FDPS: variants seen among roughly 807,000 people sequenced by gnomAD.
The protein encoded by FDPS is farnesyl pyrophosphate synthase.
FDPS carries 29 observed loss-of-function variants against 49.5 expected under a neutral mutation model. The ratio of observed to expected loss-of-function variants is 0.59; its 90% CI spans 0.44 to 0.80. The LOEUF (loss-of-function observed/expected upper bound fraction) is 0.80, where lower values mean the gene tolerates loss of function less well. FDPS is among the 30% of genes least tolerant of loss of function. FDPS has a pLI of 0.00. For missense variants in FDPS, 414 were observed against 525.6 expected, an observed-to-expected ratio of 0.79 and a Z score of 2.08; for synonymous variants, 172 against 206.4, an observed-to-expected ratio of 0.83 and a Z score of 1.43.
At chr1:155,317,144 C>G (rs937375346) in intron 4 of FDPS, 1 of 152,210 alleles carries the variant, frequency 6.6e-6, no homozygotes, top group Non-Finnish European at 1.5e-5. Flanking sequence ...ACCTGCACTG[C>G]TAAGGAGCTG....
In FDPS at chr1:155,317,989, A is replaced by G; in HGVS notation, c.529A>G (p.Thr177Ala). ...AGATGACATCATGGATTCATCCCTT[A>G]CCCGCCGGGGACAGATCTGCTGGTA... ...VADDIMDSSL[T>A]RRGQICWYQK... The change falls in exon 5 of 11, where the codon ACC becomes GCC. Residue 177 changes from threonine to alanine, a missense_variant. Coordinates refer to ENST00000368356, the MANE Select transcript of FDPS (RefSeq NM_002004.4). 6.2e-7 allele frequency: 1 copy of G among 1,613,546 alleles called. No individual in the cohort carries two copies. Among genetic ancestry groups the G allele is most frequent in the Non-Finnish European group, 8.5e-7 (1 of 1,180,016 alleles).
Position 155,320,599 on chromosome 1 carries a change from G to A in FDPS, c.1250G>A (p.Arg417Gln), listed in dbSNP as rs1440946915. Residue 417 changes from arginine (R) to glutamine (Q), a missense_variant, in exon 11 of 11, where the codon CGG becomes CAG. Coordinates refer to ENST00000368356, the MANE Select transcript of FDPS (RefSeq NM_002004.4). ...GGGCTTGCGCGCAAAATCTACAAGC[G>A]GAGAAAGTGACCTAGAGATTGCAAG... Reference protein sequence around the residue: ...FLGLARKIYKRRK With the variant: ...FLGLARKIYKQRK 2 of 1,614,166 alleles carry A rather than the reference G, an allele frequency of 1.2e-6. No individual in the cohort carries two copies. Among genetic ancestry groups the A allele is most frequent in the Non-Finnish European group, 8.5e-7 (1 of 1,180,018 alleles).
intron 2 of FDPS, 25 bp downstream of exon 2, chr1:155,309,990 C>T: frequency 6.2e-7 from 1 of 1,611,236 alleles, no homozygotes; most frequent in East Asian, 2.2e-5. Context: ...GGTGAGGGGC[C>T]TTGGGGAGGG....
intron 4 of FDPS, among the ~76,000 whole-genome samples, chr1:155,316,433 C>T (rs1003686300): frequency 2.0e-5 from 3 of 152,106 alleles, no homozygotes; most frequent in Admixed American, 6.5e-5. Flanking sequence ...ACTTGGGCAA[C>T]ATGACAAGAC....
rs775292576 is a variant in FDPS at position 155,318,317 on chromosome 1, C to T, written c.684+26C>T. ...GTGTATTGCAGACAGGGCCCGATGC[C>T]CAGAGGGTGCCCATGGTAGCCTTGG... On this transcript the variant is annotated intron_variant, in intron 6 of 10. Coordinates refer to ENST00000368356, the MANE Select transcript of FDPS (RefSeq NM_002004.4). This position sits in a 1 kb window ranked among gnomAD's most constrained non-coding sequence, Gnocchi z 4.2. 8.1e-6 allele frequency: 13 copies of T among 1,606,034 alleles called. No homozygotes were observed. The highest frequency in any genetic ancestry group is 1.0e-5 in the Non-Finnish European group (12 of 1,179,900).
At chr1:155,310,235 G>C (rs2148231181) in intron 3 of FDPS, 30 bp downstream of exon 3, 1 of 1,611,714 alleles carries the variant, frequency 6.2e-7, no homozygotes, top group Non-Finnish European at 8.5e-7. Flanking sequence ...GGGGAGTAAG[G>C]CTTTGGTTCA....
At chr1:155,313,845 GTCTC>G (rs927983949) in intron 4 of FDPS, among the ~76,000 whole-genome samples, 26 of 151,960 alleles carry the variant, frequency 1.7e-4, no homozygotes, top group African/African-American at 6.0e-4. Flanking sequence ...TTGAGATGGA[GTCTC>G]TCTCTGTTGC....
chr1:155,312,157 A>T (rs1648865346), intron 3 of FDPS, 98 bp from the exon 4 acceptor site: 1 of 1,406,096 alleles, frequency 7.1e-7, no homozygotes, highest in African/African-American at 1.4e-5. Context: ...GGGAGGATAA[A>T]GTTAGGTGGT....
Position 155,318,900 on chromosome 1 carries a change from A to G in FDPS, c.818A>G (p.Tyr273Cys). ...TACAAGACAGCTTTCTACTCCTTCT[A>G]CCTTCCTATAGCTGCAGCCATGTAC... ...VKYKTAFYSF[Y>C]LPIAAAMYMA... is the part of the protein sequence containing the mutation. The change falls in exon 8 of 11, where the codon TAC (tyrosine) becomes TGC (cysteine). Residue 273 changes from tyrosine (Y) to cysteine (C), a missense_variant. Physicochemically the swap from Tyr to Cys is radical, Grantham distance 194 (BLOSUM62 -2). Coordinates refer to ENST00000368356, the MANE Select transcript of FDPS (RefSeq NM_002004.4). This position sits in a 1 kb window ranked among gnomAD's most constrained non-coding sequence, Gnocchi z 4.2. 4 of 1,613,450 alleles carry G rather than the reference A, an allele frequency of 2.5e-6. No individual in the cohort carries two copies. Among genetic ancestry groups the G allele is most frequent in the East Asian group, 2.2e-5 (1 of 44,884 alleles).
At chr1:155,317,463 T>C (rs1649584716) in intron 4 of FDPS, 1 of 155,090 alleles carries the variant, frequency 6.4e-6, no homozygotes, top group Admixed American at 6.3e-5. Context: ...AAACATGTTA[T>C]GTCACTTTCC....
At chr1:155,311,255 C>A (rs950568777) in intron 3 of FDPS, among the ~76,000 whole-genome samples, 1 of 152,202 alleles carries the variant, frequency 6.6e-6, no homozygotes, top group African/African-American at 2.4e-5. Flanking sequence ...AGGAGAATCA[C>A]TTGAACCTGG....
At chr1:155,310,928 T>A (rs1648735857) in intron 3 of FDPS, among the ~76,000 whole-genome samples, 1 of 152,148 alleles carries the variant, frequency 6.6e-6, no homozygotes, top group Non-Finnish European at 1.5e-5. Context: ...TACTTGCCAA[T>A]TTTTTTCCTG....
chr1:155,312,703 G>A (rs1272055614), intron 4 of FDPS: 8 of 240,692 alleles, frequency 3.3e-5, no homozygotes, highest in South Asian at 3.1e-4. Context: ...AGAGGAGGCC[G>A]GGCATGGTGG....
chr1:155,318,167 A>G lies in FDPS; in HGVS notation c.562-2A>G. Reference sequence around the variant, plus strand: ...TGCTTGTTTTTCTGTCTGTCATGACAGCCGGGCGTGGGTTTGGATGCCATC... The same window carrying G: ...TGCTTGTTTTTCTGTCTGTCATGACGGCCGGGCGTGGGTTTGGATGCCATC... On this transcript the variant is annotated splice_acceptor_variant, in intron 5 of 10. Coordinates refer to ENST00000368356, the MANE Select transcript of FDPS (RefSeq NM_002004.4). LOFTEE classifies it high-confidence loss of function. The surrounding 1 kb of genome is among the most constrained non-coding windows in gnomAD (Gnocchi z 4.2). 6.2e-7 allele frequency: 1 copy of G among 1,614,132 alleles called. No individual in the cohort carries two copies. Among genetic ancestry groups the G allele is most frequent in the Non-Finnish European group, 8.5e-7 (1 of 1,180,026 alleles).
rs1180260126 is a variant in FDPS, at chr1:155,309,948, G to A, written c.159G>A (p.Ala53=). The A allele has an allele frequency of 6.2e-6, 10 of 1,606,946 alleles. No homozygotes were observed. The highest frequency in any genetic ancestry group is 4.4e-5 in the South Asian group (4 of 90,770). The change falls in exon 2 of 11, where the codon GCG becomes GCA. Residue 53 remains alanine (A), a synonymous_variant. Transcript: ENST00000368356. Reference sequence around the variant, plus strand: ...ACAGTGCCCGCTGCTGGTGCCAAGCGTGGACAGAGGAACCTCGGTGAGTGT... The same window carrying A: ...ACAGTGCCCGCTGCTGGTGCCAAGCATGGACAGAGGAACCTCGGTGAGTGT... The part of the protein sequence containing the change: ...AWHSARCWCQ[A]WTEEPRALCS...
rs1572101466 is a variant in FDPS, at chr1:155,319,594, C to T, written c.847-17C>T. 1.9e-6 allele frequency: 3 copies of T among 1,613,212 alleles called. No homozygotes were observed. Among genetic ancestry groups the T allele is most frequent in the African/African-American group, 1.3e-5 (1 of 75,022 alleles). ...GCACCCCTGGGGTTTGGCTTATTAA[C>T]CCCCCTTTCCCTGCAGGCAGGAATT... On this transcript the variant is annotated splice_polypyrimidine_tract_variant and intron_variant, in intron 8 of 10. Transcript: ENST00000368356.
In FDPS at chr1:155,318,315, G is replaced by A. The variant is rs767444569; in HGVS notation, c.684+24G>A. The A allele has an allele frequency of 3.7e-6, 6 of 1,606,680 alleles. No homozygotes were observed. Among genetic ancestry groups the A allele is most frequent in the Middle Eastern group, 1.7e-4 (1 of 6,060 alleles). ...AGGTGTATTGCAGACAGGGCCCGAT[G>A]CCCAGAGGGTGCCCATGGTAGCCTT... On this transcript the variant is annotated intron_variant, in intron 6 of 10. Coordinates refer to ENST00000368356, the MANE Select transcript of FDPS (RefSeq NM_002004.4). This position sits in a 1 kb window ranked among gnomAD's most constrained non-coding sequence, Gnocchi z 4.2.
intron 4 of FDPS, chr1:155,317,133 G>C (rs979303058): frequency 1.3e-5 from 2 of 152,224 alleles, no homozygotes; most frequent in Non-Finnish European, 2.9e-5. Context: ...CACCTTATTA[G>C]ACCTGCACTG....
At chr1:155,312,485 G>T in intron 4 of FDPS, 90 bp downstream of exon 4, 1 of 1,427,108 alleles carries the variant, frequency 7.0e-7, no homozygotes, top group Admixed American at 1.9e-5. Flanking sequence ...ACTTATTTCT[G>T]GGTTGTGTTT....
Sources: gnomAD v4.1 joint callset for allele counts (sites outside exome capture counted in the v4.1 genomes callset) on GRCh38, gnomAD v4.1.1 for gene constraint, Gnocchi (gnomAD v3.1) non-coding constraint, MANE v1.5 for transcripts, NCBI Gene and HGNC (gene_info 2026-07-23, HGNC 2026-07-21) for gene names.